Variants in TNR observed in about 807,000 individuals in gnomAD.
TNR encodes tenascin R.
In TNR, 45 loss-of-function variants were observed where a neutral mutation model predicts 150.4. The observed-to-expected ratio is 0.30, with a 90% CI of 0.24 to 0.38. The LOEUF (loss-of-function observed/expected upper bound fraction) is 0.38. TNR is among the 10% of genes least tolerant of loss of function. The pLI is 1.00. For missense variants in TNR, 1,544 were observed against 1,759.1 expected, an observed-to-expected ratio of 0.88 and a Z score of 2.19; for synonymous variants, 687 against 678.4, an observed-to-expected ratio of 1.01 and a Z score of -0.20.
At chr1:175,532,639 G>A (rs1259162272) in intron 1 of TNR, among the ~76,000 whole-genome samples, 1 of 152,166 alleles carries the variant, frequency 6.6e-6, no homozygotes, top group East Asian at 1.9e-4. Flanking sequence ...ATTTCTGTGG[G>A]TCAGGAATTC....
At chr1:175,621,546 C>T (rs1663977490) in intron 1 of TNR, among the ~76,000 whole-genome samples, 2 of 152,174 alleles carry the variant, frequency 1.3e-5, no homozygotes, top group African/African-American at 4.8e-5. Context: ...CTCCAATTTC[C>T]TAATGTATTA....
chr1:175,358,522 C>A (rs1651434174), intron 15 of TNR, among the ~76,000 whole-genome samples: 1 of 152,168 alleles, frequency 6.6e-6, no homozygotes, highest in Non-Finnish European at 1.5e-5. Context: ...AAGTTTACTT[C>A]TTTGCAGCTC....
intron 2 of TNR, among the ~76,000 whole-genome samples, chr1:175,521,731 T>C (rs896846260): frequency 1.3e-5 from 2 of 152,230 alleles, no homozygotes; most frequent in Admixed American, 1.3e-4. Flanking sequence ...ACCTCTATTT[T>C]CAAGGCCCAG....
chr1:175,367,424 C>T, intron 9 of TNR, 127 bp from the exon 10 acceptor site: 1 of 759,476 alleles, frequency 1.3e-6, no homozygotes, highest in South Asian at 1.6e-5. Flanking sequence ...GAATCCTCTC[C>T]TAATTTGAAC....
chr1:175,730,048 C>T (rs1361190239), intron 1 of TNR, among the ~76,000 whole-genome samples: 5 of 152,174 alleles, frequency 3.3e-5, no homozygotes, highest in Admixed American at 1.3e-4. Flanking sequence ...GGTAATTCTC[C>T]CCATGAGTAT....
chr1:175,623,050 G>C (rs1400470742), intron 1 of TNR, among the ~76,000 whole-genome samples: 1 of 152,152 alleles, frequency 6.6e-6, no homozygotes, highest in East Asian at 1.9e-4. Context: ...GAGGTACTGA[G>C]GGTTAAGATT....
chr1:175,531,184 G>A (rs1225772479), intron 1 of TNR, among the ~76,000 whole-genome samples: 2 of 152,200 alleles, frequency 1.3e-5, no homozygotes, highest in Non-Finnish European at 2.9e-5. Flanking sequence ...AAACTGAAGT[G>A]GAGTGTGTGT....
rs80318773 is a variant in TNR, at chr1:175,417,803, A to G, written c.-63-11026T>C. Among the ~76,000 whole-genome samples, 16 of 152,356 alleles carry G rather than the reference A, an allele frequency of 1.1e-4. No individual in the cohort carries two copies. The East Asian group carries it at 2.7e-3, about 26-fold the overall frequency. On this transcript the variant is annotated intron_variant, in intron 2 of 22. Transcript: ENST00000367674. Reference sequence around the variant, plus strand: ...AAATATCAAATTCATGCTGTTTCCAATTATATAGCATAACTATATTGGAGT... The same window carrying G: ...AAATATCAAATTCATGCTGTTTCCAGTTATATAGCATAACTATATTGGAGT...
chr1:175,569,852 C>T (rs186816540), intron 1 of TNR, among the ~76,000 whole-genome samples: 16 of 152,250 alleles, frequency 1.1e-4, no homozygotes, highest in Middle Eastern at 3.4e-3. Context: ...AAGGTTAGGT[C>T]GTTTTCCAGG....
At chr1:175,558,710 G>A (rs1482228898) in intron 1 of TNR, among the ~76,000 whole-genome samples, 1 of 152,174 alleles carries the variant, frequency 6.6e-6, no homozygotes, top group Non-Finnish European at 1.5e-5. Flanking sequence ...TGTAAAAATA[G>A]TTATTATGTT....
At chr1:175,665,984 C>T (rs1377920086) in intron 1 of TNR, among the ~76,000 whole-genome samples, 4 of 152,136 alleles carry the variant, frequency 2.6e-5, no homozygotes, top group East Asian at 1.9e-4. Context: ...ATCATTCCAT[C>T]CTCTTGGAAG....
chr1:175,480,560 A>G (rs1423527890), intron 2 of TNR, among the ~76,000 whole-genome samples: 1 of 152,158 alleles, frequency 6.6e-6, no homozygotes, highest in Non-Finnish European at 1.5e-5. Flanking sequence ...GGTCATAATG[A>G]CTTGACTCAT....
At chr1:175,690,844 G>T (rs949724192) in intron 1 of TNR, among the ~76,000 whole-genome samples, 1 of 152,094 alleles carries the variant, frequency 6.6e-6, no homozygotes, top group African/African-American at 2.4e-5. Context: ...AAGGAGGAGA[G>T]AAGATTGAAC....
chr1:175,324,549 C>T, intron 21 of TNR, 30 bp from the exon 22 acceptor site: 1 of 1,606,884 alleles, frequency 6.2e-7, no homozygotes, highest in Non-Finnish European at 8.5e-7. Context: ...ATTAGGCTGT[C>T]CCATTTGTCA....
intron 2 of TNR, among the ~76,000 whole-genome samples, chr1:175,407,687 T>C (rs1316468398): frequency 1.3e-5 from 2 of 152,196 alleles, no homozygotes; most frequent in Non-Finnish European, 2.9e-5. Context: ...AGGTCACAAC[T>C]AGGATTTACT....
At chr1:175,334,079 T>C (rs1199690852) in intron 20 of TNR, among the ~76,000 whole-genome samples, 1 of 152,154 alleles carries the variant, frequency 6.6e-6, no homozygotes, top group Admixed American at 6.5e-5. Flanking sequence ...CTGGTGGTAA[T>C]GTGGAGTCAT....
At chr1:175,359,161 T>TTTTTTTTTGG (rs1651472076) in intron 15 of TNR, among the ~76,000 whole-genome samples, 1 of 139,818 alleles carries the variant, frequency 7.2e-6, no homozygotes, top group Non-Finnish European at 1.5e-5. Flanking sequence ...TTTTTTTTTT[T>TTTTTTTTTGG]TTTAGATGGA....
In TNR at chr1:175,334,269, C is replaced by T. The variant is rs184503512; in HGVS notation, c.3631+1442G>A. Among the ~76,000 whole-genome samples, 124 of 152,274 alleles carry T rather than the reference C, an allele frequency of 8.1e-4. 1 individual carries two copies. The highest frequency in any genetic ancestry group is 2.9e-3 in the African/African-American group (120 of 41,548). On this transcript the variant is annotated intron_variant, in intron 20 of 22. Transcript: ENST00000367674. ...CTCCTCACTCATTTCTGGGCATAGGCCAAGCTAACCATGGGAGGAATTTAG... is the reference window on the plus strand; with the variant it reads ...CTCCTCACTCATTTCTGGGCATAGGTCAAGCTAACCATGGGAGGAATTTAG...
At chr1:175,530,914 C>A (rs1329192558) in intron 1 of TNR, among the ~76,000 whole-genome samples, 1 of 152,138 alleles carries the variant, frequency 6.6e-6, no homozygotes, top group Non-Finnish European at 1.5e-5. Context: ...TTGGCAGCAA[C>A]CATTTACTGA....
Sources: allele counts gnomAD v4.1 joint callset (sites outside exome capture counted in the v4.1 genomes callset), GRCh38; gene constraint gnomAD v4.1.1; transcripts MANE v1.5; gene names NCBI Gene and HGNC (gene_info 2026-07-23, HGNC 2026-07-21).